CACNB4: variants seen among roughly 807,000 people sequenced by gnomAD.
CACNB4 encodes the protein calcium voltage-gated channel auxiliary subunit beta 4.
In CACNB4, 32 loss-of-function variants were observed where a neutral mutation model predicts 71.2. That is an observed-to-expected ratio of 0.45 (90% CI 0.34 to 0.60). CACNB4 has a LOEUF of 0.60. Ranked by LOEUF, CACNB4 falls within the 20% of genes least tolerant of loss-of-function variation. The pLI, the probability that CACNB4 is intolerant of heterozygous loss-of-function variation, is 0.01. For synonymous variants in CACNB4, 231 were observed against 236.9 expected (o/e 0.97, Z 0.23); for missense variants, 464 against 647.9 (o/e 0.72, Z 3.08).
chr2:152,090,597 C>T (rs1175391670), intron 2 of CACNB4, among the ~76,000 whole-genome samples: 7 of 148,922 alleles, frequency 4.7e-5, no homozygotes, highest in African/African-American at 1.7e-4. Context: ...GAGCCAAGAT[C>T]GCGCCACTGC....
rs376551812 is a variant in CACNB4 at position 151,910,070 on chromosome 2, C to T, written c.148-26700G>A. 1.6e-4 allele frequency among the ~76,000 whole-genome samples: 25 copies of T among 152,294 alleles called. No homozygotes were observed. The East Asian group carries it at 2.5e-3, about 15-fold the overall frequency. On this transcript the variant is annotated intron_variant, in intron 2 of 13. Coordinates refer to ENST00000539935, the MANE Select transcript of CACNB4 (RefSeq NM_000726.5). The stretch of plus-strand genomic sequence containing the variant: ...TTGTTTCCTAACTTTTTAATAATTG[C>T]CATTCTGACTGGCATGAGATGGTAT...
intron 2 of CACNB4, among the ~76,000 whole-genome samples, chr2:151,914,527 A>G (rs1035989187): frequency 6.6e-6 from 1 of 152,158 alleles, no homozygotes; most frequent in African/African-American, 2.4e-5. Context: ...GAGATGGTGC[A>G]ATCATTTGGA....
At chr2:152,059,378 T>C (rs969371279) in intron 2 of CACNB4, among the ~76,000 whole-genome samples, 2 of 152,184 alleles carry the variant, frequency 1.3e-5, no homozygotes, top group African/African-American at 4.8e-5. Context: ...GCCACAGGGG[T>C]AGAGCTGCCC....
In CACNB4 at chr2:151,839,078, G is replaced by A. The variant is rs371526592; in HGVS notation, c.*41C>T. The A allele has an allele frequency of 4.4e-6, 7 of 1,573,754 alleles. No homozygotes were observed. The highest frequency in any genetic ancestry group is 4.3e-6 in the Non-Finnish European group (5 of 1,152,642). ...GATTGGTTTATCCTAGCACTGCTAT[G>A]GCAAATTGTCAACAGATGAATATTT... On this transcript the variant is annotated 3_prime_UTR_variant, in exon 14 of 14. Transcript: ENST00000539935.
At position 152,000,339 on chromosome 2, in the gene CACNB4, T is replaced by TA. The variant is rs1341407531; in HGVS notation, c.147+97990dup. 3.3e-5 allele frequency among the ~76,000 whole-genome samples: 5 copies of TA among 152,350 alleles called. No homozygotes were observed. The East Asian group carries it at 9.6e-4, about 29-fold the overall frequency. ...TCCCAATCTCTGCACCATCTCTTGT[T>TA]AGCAGTGTGGCCTTACACAAGTAAC... On this transcript the variant is annotated intron_variant, in intron 2 of 13. Coordinates refer to ENST00000539935, the MANE Select transcript of CACNB4 (RefSeq NM_000726.5).
intron 12 of CACNB4, among the ~76,000 whole-genome samples, chr2:151,844,374 C>T (rs1013934318): frequency 4.6e-5 from 7 of 151,468 alleles, no homozygotes; most frequent in African/African-American, 1.7e-4. Flanking sequence ...GGGGAAGTTA[C>T]GAGTAAGCCA....
At chr2:151,980,778 T>C (rs2099874580) in intron 2 of CACNB4, among the ~76,000 whole-genome samples, 1 of 152,224 alleles carries the variant, frequency 6.6e-6, no homozygotes, top group Non-Finnish European at 1.5e-5. Context: ...TGGGACACAA[T>C]GGTCCTGTTC....
At chr2:152,006,099 T>C (rs1682709370) in intron 2 of CACNB4, among the ~76,000 whole-genome samples, 1 of 152,242 alleles carries the variant, frequency 6.6e-6, no homozygotes, top group African/African-American at 2.4e-5. Flanking sequence ...ATATGCCTCA[T>C]ATACCATGTG....
At chr2:151,933,737 G>A (rs984957547) in intron 2 of CACNB4, among the ~76,000 whole-genome samples, 1 of 152,142 alleles carries the variant, frequency 6.6e-6, no homozygotes, top group East Asian at 1.9e-4. Flanking sequence ...ACTGGCACTT[G>A]ATATCAAACT....
At chr2:152,012,676 A>T (rs1476592540) in intron 2 of CACNB4, among the ~76,000 whole-genome samples, 1 of 152,222 alleles carries the variant, frequency 6.6e-6, no homozygotes, top group Non-Finnish European at 1.5e-5. Context: ...ATATTTACAC[A>T]GAAGTATAAT....
intron 4 of CACNB4, 110 bp downstream of exon 4, chr2:151,880,690 G>T: frequency 9.0e-7 from 1 of 1,112,432 alleles, no homozygotes; most frequent in Non-Finnish European, 1.3e-6. Context: ...ATTAAATCAT[G>T]TACTGCACTG....
At chr2:151,886,237 C>T (rs373884135) in intron 2 of CACNB4, among the ~76,000 whole-genome samples, 82 of 152,324 alleles carry the variant, frequency 5.4e-4, no homozygotes, top group African/African-American at 1.9e-3. Flanking sequence ...ACATCAGGAA[C>T]CCAAGTGAGA....
At chr2:152,004,253 C>A (rs1682591064) in intron 2 of CACNB4, among the ~76,000 whole-genome samples, 1 of 152,058 alleles carries the variant, frequency 6.6e-6, no homozygotes, top group African/African-American at 2.4e-5. Flanking sequence ...TCTGAATGAA[C>A]CCCTGGCAAA....
intron 2 of CACNB4, among the ~76,000 whole-genome samples, chr2:151,957,257 C>CGTGTGT (rs1553791572): frequency 0.085 from 11,139 of 131,698 alleles, 824 homozygotes; most frequent in East Asian, 0.3. Context: ...AGTGGCTGGG[C>CGTGTGT]GTGTGTGTGT....
intron 2 of CACNB4, among the ~76,000 whole-genome samples, chr2:151,884,534 C>G (rs1191837301): frequency 6.9e-6 from 1 of 145,952 alleles, no homozygotes; most frequent in Admixed American, 7.1e-5. Flanking sequence ...ACTCAGGAGG[C>G]TGAGGCAGGA....
chr2:151,839,092 A>G lies in CACNB4; in HGVS notation c.*27T>C. 6.3e-7 allele frequency: 1 copy of G among 1,593,964 alleles called. No homozygotes were observed. The highest frequency in any genetic ancestry group is 8.6e-7 in the Non-Finnish European group (1 of 1,166,708). On this transcript the variant is annotated 3_prime_UTR_variant, in exon 14 of 14. Transcript: ENST00000539935. Reference sequence around the variant, plus strand: ...AGCACTGCTATGGCAAATTGTCAACAGATGAATATTTTTTGTTTCATTAGA... The same window carrying G: ...AGCACTGCTATGGCAAATTGTCAACGGATGAATATTTTTTGTTTCATTAGA...
At chr2:152,065,895 C>T (rs1039343573) in intron 2 of CACNB4, among the ~76,000 whole-genome samples, 5 of 152,126 alleles carry the variant, frequency 3.3e-5, no homozygotes, top group African/African-American at 1.2e-4. Flanking sequence ...ATGTTTGCTA[C>T]CACATCTGGC....
At chr2:152,090,640 T>G (rs1038074130) in intron 2 of CACNB4, among the ~76,000 whole-genome samples, 3 of 142,062 alleles carry the variant, frequency 2.1e-5, no homozygotes, top group Non-Finnish European at 4.6e-5. Context: ...CAAAACTCCA[T>G]CTCAAAAAAA....
rs190998490 is a variant in CACNB4, at chr2:151,876,371, A to C, written c.521+55T>G. On this transcript the variant is annotated intron_variant, in intron 5 of 13. Coordinates refer to ENST00000539935, the MANE Select transcript of CACNB4 (RefSeq NM_000726.5). ...TACTTTGAAAGTATACACCCTTGAAAATATCACCCAATTTTCTGACCAAAA... is the reference window on the plus strand; with the variant it reads ...TACTTTGAAAGTATACACCCTTGAACATATCACCCAATTTTCTGACCAAAA... 5.0e-4 allele frequency: 756 copies of C among 1,522,350 alleles called. 4 individuals are homozygous for C. In the African/African-American group the frequency reaches 9.1e-3, roughly 18 times the overall value. The allele number at this position is 1,522,350 out of a possible 1,614,324, so 94.3% of individuals were successfully genotyped here. A position where few individuals can be genotyped will look rare whatever the true frequency, so the allele number is the denominator to read the frequency against.
Sources: allele counts gnomAD v4.1 joint callset (sites outside exome capture counted in the v4.1 genomes callset), GRCh38; gene constraint gnomAD v4.1.1; transcripts MANE v1.5; gene names NCBI Gene and HGNC (gene_info 2026-07-23, HGNC 2026-07-21).